LAMA2: variants seen among roughly 807,000 people sequenced by gnomAD.
The protein encoded by LAMA2 is laminin subunit alpha 2.
A neutral mutation model predicts 364.8 loss-of-function variants in LAMA2; 269 were observed. That is an observed-to-expected ratio of 0.74 (90% CI 0.67 to 0.82). The LOEUF (loss-of-function observed/expected upper bound fraction) is 0.82. Among genes scored for constraint, LAMA2 ranks in the 40% least tolerant of loss-of-function variants. LAMA2 has a pLI of 0.00. For synonymous variants in LAMA2, 1,379 were observed against 1,370.6 expected, an observed-to-expected ratio of 1.01 and a Z score of -0.14; for missense variants, 3,807 against 3,873.2, an observed-to-expected ratio of 0.98 and a Z score of 0.45.
At chr6:129,277,714 G>T (rs1026925656) in intron 17 of LAMA2, among the ~76,000 whole-genome samples, 2 of 152,102 alleles carry the variant, frequency 1.3e-5, no homozygotes, top group African/African-American at 4.8e-5. Flanking sequence ...CAGCTCATAG[G>T]ATTTTGTGAA....
At position 129,319,599 on chromosome 6, in the gene LAMA2, T is replaced by G. The variant is rs1383907623; in HGVS notation, c.4059-939T>G. Among the ~76,000 whole-genome samples the G allele has an allele frequency of 5.9e-5, 9 of 152,150 alleles. No homozygotes were observed. The East Asian group carries it at 1.7e-3, about 29-fold the overall frequency. ...CACAACTTATCTATGTATCAAAATA[T>G]CACATTGTTTAAATAAATATAGTTG... On this transcript the variant is annotated intron_variant, in intron 27 of 64. Transcript: ENST00000421865.
intron 2 of LAMA2, among the ~76,000 whole-genome samples, chr6:129,055,842 AT>A (rs1247441075): frequency 6.6e-6 from 1 of 152,220 alleles, no homozygotes; most frequent in African/African-American, 2.4e-5. Context: ...ATTGACTTGC[AT>A]ATTTATCCCT....
chr6:129,385,457 G>A (rs1778962167), intron 35 of LAMA2, among the ~76,000 whole-genome samples: 1 of 152,006 alleles, frequency 6.6e-6, no homozygotes, highest in East Asian at 1.9e-4. Flanking sequence ...ATAACCATCA[G>A]TACTTTTACA....
chr6:129,474,818 A>C (rs1783987479), intron 52 of LAMA2, among the ~76,000 whole-genome samples: 1 of 152,182 alleles, frequency 6.6e-6, no homozygotes. Context: ...AAATGTTTTT[A>C]CTTTCATGAT....
At position 129,353,150 on chromosome 6, in the gene LAMA2, C is replaced by T. The variant is rs1776949335; in HGVS notation, c.4524-14C>T. ...GCTATTAACCTCTTTTGCTTTGTCA[C>T]TGTTTCAATTCAGGTGTGCCCCTGG... On this transcript the variant is annotated splice_polypyrimidine_tract_variant and intron_variant, in intron 31 of 64. Transcript: ENST00000421865. The T allele has an allele frequency of 6.2e-7, 1 of 1,606,232 alleles. No homozygotes were observed. Among genetic ancestry groups the T allele is most frequent in the Non-Finnish European group, 8.5e-7 (1 of 1,173,904 alleles).
intron 1 of LAMA2, among the ~76,000 whole-genome samples, chr6:128,935,081 T>C (rs1445633076): frequency 6.6e-6 from 1 of 152,214 alleles, no homozygotes; most frequent in Non-Finnish European, 1.5e-5. Context: ...ATTATTATTA[T>C]ACTTTGAGTT....
intron 35 of LAMA2, among the ~76,000 whole-genome samples, chr6:129,385,574 C>G (rs1778969729): frequency 6.6e-6 from 1 of 152,138 alleles, no homozygotes; most frequent in African/African-American, 2.4e-5. Context: ...TTCATCCTAT[C>G]TTTCATTATG....
chr6:129,263,393 T>C (rs1562391987), intron 15 of LAMA2, among the ~76,000 whole-genome samples: 1 of 152,144 alleles, frequency 6.6e-6, no homozygotes. Context: ...CAAGTGGTTG[T>C]ATGAAGGTTA....
Position 129,095,166 on chromosome 6 carries a change from C to A in LAMA2, c.397-3007C>A, listed in dbSNP as rs139552824. Among the ~76,000 whole-genome samples the A allele has an allele frequency of 3.2e-4, 48 of 152,286 alleles. No individual in the cohort carries two copies. The East Asian group carries it at 8.7e-3, about 28-fold the overall frequency. ...GACAGCATTTGTGGCTTAATGTTTA[C>A]CCTGAGATAACTTGTGGCTTACTGT... On this transcript the variant is annotated intron_variant, in intron 3 of 64. Transcript: ENST00000421865.
At chr6:129,169,485 A>G (rs1333502463) in intron 9 of LAMA2, among the ~76,000 whole-genome samples, 2 of 150,672 alleles carry the variant, frequency 1.3e-5, no homozygotes, top group African/African-American at 4.9e-5. Flanking sequence ...TGTATATTGA[A>G]CCAGCCTTGC....
chr6:129,084,239 TA>T lies in LAMA2; in HGVS notation c.397-13932del, dbSNP rs1325215643. Among the ~76,000 whole-genome samples the T allele has an allele frequency of 1.1e-4, 16 of 152,304 alleles. No homozygotes were observed. In the East Asian group the frequency reaches 2.7e-3, roughly 26 times the overall value. ...GCACAACTGTCCTTCCCACTCTTCTTAATTGAAGAGTCACCTCAATCCCCAT... is the reference window on the plus strand; with the variant it reads ...GCACAACTGTCCTTCCCACTCTTCTTATTGAAGAGTCACCTCAATCCCCAT... On this transcript the variant is annotated intron_variant, in intron 3 of 64. Transcript: ENST00000421865.
chr6:129,126,282 A>G (rs1219119587), intron 4 of LAMA2, among the ~76,000 whole-genome samples: 2 of 152,228 alleles, frequency 1.3e-5, no homozygotes, highest in African/African-American at 4.8e-5. Context: ...TTGTTTTTCA[A>G]TGAACATCTG....
rs1562518480 is a variant in LAMA2, at chr6:129,388,697, A to ACACG, written c.5072-2791_5072-2790insGCAC. Among the ~76,000 whole-genome samples the ACACG allele has an allele frequency of 2.8e-3, 432 of 152,182 alleles. 3 individuals are homozygous for ACACG. Among genetic ancestry groups the ACACG allele is most frequent in the African/African-American group, 0.01 (425 of 41,524 alleles). ...TACACGCACACACACACACGCGCGC[A>ACACG]CACACACATATTCATTTAACAAAGA... On this transcript the variant is annotated intron_variant, in intron 35 of 64. Coordinates refer to ENST00000421865, the MANE Select transcript of LAMA2 (RefSeq NM_000426.4).
intron 1 of LAMA2, among the ~76,000 whole-genome samples, chr6:128,941,144 G>A (rs757956331): frequency 2.6e-5 from 4 of 152,164 alleles, no homozygotes; most frequent in Non-Finnish European, 4.4e-5. Context: ...TTGGTCAATA[G>A]TTGAAAAAAT....
At chr6:128,886,651 G>C (rs1429589943) in intron 1 of LAMA2, among the ~76,000 whole-genome samples, 1 of 152,144 alleles carries the variant, frequency 6.6e-6, no homozygotes, top group Non-Finnish European at 1.5e-5. Flanking sequence ...CATAAGGACT[G>C]TCCTCAAATT....
At chr6:128,982,640 G>A (rs990580278) in intron 1 of LAMA2, among the ~76,000 whole-genome samples, 1 of 150,776 alleles carries the variant, frequency 6.6e-6, no homozygotes, top group Non-Finnish European at 1.5e-5. Context: ...AAGTTTTAGG[G>A]TACATGTGCA....
At chr6:128,930,483 A>G (rs1473419697) in intron 1 of LAMA2, among the ~76,000 whole-genome samples, 2 of 152,184 alleles carry the variant, frequency 1.3e-5, no homozygotes, top group African/African-American at 2.4e-5. Flanking sequence ...ATAATTCGCC[A>G]TGCTATAGAG....
chr6:128,898,916 A>T (rs1387406443), intron 1 of LAMA2, among the ~76,000 whole-genome samples: 1 of 152,090 alleles, frequency 6.6e-6, no homozygotes, highest in Non-Finnish European at 1.5e-5. Flanking sequence ...GCATTGTTCC[A>T]TTAGATCCCT....
intron 1 of LAMA2, among the ~76,000 whole-genome samples, chr6:129,029,857 T>C (rs1582900790): frequency 6.6e-6 from 1 of 152,180 alleles, no homozygotes; most frequent in East Asian, 1.9e-4. Context: ...ATTCTGGGGC[T>C]ACTTTTTTCT....
Sources: gnomAD v4.1 joint callset for allele counts (sites outside exome capture counted in the v4.1 genomes callset) on GRCh38, gnomAD v4.1.1 for gene constraint, MANE v1.5 for transcripts, NCBI Gene and HGNC (gene_info 2026-07-23, HGNC 2026-07-21) for gene names.